Variants in CUX1 observed in about 807,000 individuals in gnomAD.
CUX1 encodes the protein protein CASP.
A neutral mutation model predicts 158.8 loss-of-function variants in CUX1; 31 were observed. That is an observed-to-expected ratio of 0.20 (90% CI 0.15 to 0.26). The LOEUF is 0.26. CUX1 is among the 10% of genes least tolerant of loss of function. The probability of loss-of-function intolerance (pLI) is 1.00; values close to 1 mark genes in which losing one functional copy is unlikely to be tolerated. For missense variants in CUX1, 1,589 were observed against 2,014.6 expected, an observed-to-expected ratio of 0.79 and a Z score of 4.04; for synonymous variants, 879 against 862.1, an observed-to-expected ratio of 1.02 and a Z score of -0.34.
chr7:101,838,062 G>T (rs564908228), intron 1 of CUX1, among the ~76,000 whole-genome samples: 8 of 151,156 alleles, frequency 5.3e-5, no homozygotes, highest in African/African-American at 1.7e-4. Context: ...GTGTGTATAC[G>T]TGGTTTTAAT....
intron 4 of CUX1, among the ~76,000 whole-genome samples, chr7:102,072,186 G>A (rs1409393071): frequency 6.6e-6 from 1 of 152,244 alleles, no homozygotes; most frequent in Non-Finnish European, 1.5e-5. Flanking sequence ...TCCACAGGGT[G>A]AGAGTGGGCT....
At position 102,248,285 on chromosome 7, in the gene CUX1, G is replaced by A. The variant is rs1236546449; in HGVS notation, c.3888-127G>A. 4.8e-6 allele frequency: 4 copies of A among 841,724 alleles called. No individual in the cohort carries two copies. Among genetic ancestry groups the A allele is most frequent in the Non-Finnish European group, 7.0e-6 (4 of 574,562 alleles). 52.1% of individuals were successfully genotyped at this position (841,724 alleles called of 1,614,324 possible). A position where few individuals can be genotyped will look rare whatever the true frequency, so the allele number is the denominator to read the frequency against. The stretch of plus-strand genomic sequence containing the variant: ...CCCCGTGGCCCGAGGGTCGCTGGAG[G>A]GGCACGGAGGGGCCTCCAGGCTGGA... On this transcript the variant is annotated intron_variant, in intron 23 of 23. Transcript: ENST00000292535. The surrounding 1 kb of genome is among the most constrained non-coding windows in gnomAD (Gnocchi z 5.8).
At chr7:102,027,134 C>T (rs957380356) in intron 2 of CUX1, among the ~76,000 whole-genome samples, 3 of 152,170 alleles carry the variant, frequency 2.0e-5, no homozygotes, top group African/African-American at 7.2e-5. Context: ...CCTGTAATCC[C>T]AGCACTTTGG....
At chr7:102,061,527 C>T (rs1585477919) in intron 3 of CUX1, among the ~76,000 whole-genome samples, 1 of 152,152 alleles carries the variant, frequency 6.6e-6, no homozygotes. Flanking sequence ...GATGTATCTC[C>T]CCACTTTGCA....
intron 3 of CUX1, among the ~76,000 whole-genome samples, chr7:102,030,173 A>G (rs1820556431): frequency 6.6e-6 from 1 of 152,076 alleles, no homozygotes; most frequent in Admixed American, 6.6e-5. Context: ...CACCACGCTC[A>G]GCTGAGTTTT....
chr7:102,132,680 C>T (rs868930258), intron 8 of CUX1, among the ~76,000 whole-genome samples: 6,966 of 115,076 alleles, frequency 0.061, 244 homozygotes, highest in Middle Eastern at 0.17. Flanking sequence ...CTTTGCTTTT[C>T]TTTTTTTTTT....
Position 101,916,033 on chromosome 7 carries a change from T to G in CUX1, c.31-82T>G. ...AGCCACTGGGGTCTCTCCCCCAGTGTTCTGGTCAAATGCAAATAGGACCCT... is the reference window on the plus strand; with the variant it reads ...AGCCACTGGGGTCTCTCCCCCAGTGGTCTGGTCAAATGCAAATAGGACCCT... On this transcript the variant is annotated intron_variant, in intron 1 of 23. Coordinates refer to ENST00000292535, the MANE Select transcript of CUX1 (RefSeq NM_181552.4). This position sits in a 1 kb window ranked among gnomAD's most constrained non-coding sequence, Gnocchi z 4.4. 1.0e-6 allele frequency: 1 copy of G among 964,962 alleles called. No individual in the cohort carries two copies. The allele number at this position is 964,962 out of a possible 1,614,324, so 59.8% of individuals were successfully genotyped here.
At chr7:102,271,851 G>A (rs760044278) in intron 14 of CUX1, among the ~76,000 whole-genome samples, 3 of 152,052 alleles carry the variant, frequency 2.0e-5, no homozygotes, top group African/African-American at 2.4e-5. Flanking sequence ...GCTAAACCCC[G>A]TCTCTACTAA....
chr7:102,121,682 A>G (rs1005644995), intron 8 of CUX1, among the ~76,000 whole-genome samples: 26 of 152,010 alleles, frequency 1.7e-4, no homozygotes, highest in African/African-American at 6.3e-4. Context: ...TTTCACAATG[A>G]TTTCCTGAGT....
chr7:101,825,743 T>C (rs1312842593), intron 1 of CUX1, among the ~76,000 whole-genome samples: 2 of 145,990 alleles, frequency 1.4e-5, no homozygotes, highest in African/African-American at 5.0e-5. Flanking sequence ...CCCTGATACC[T>C]TAATGAAATC....
intron 23 of CUX1, among the ~76,000 whole-genome samples, chr7:102,243,549 C>T (rs1390173693): frequency 1.3e-5 from 2 of 151,302 alleles, no homozygotes; most frequent in African/African-American, 4.9e-5. Flanking sequence ...CCTGGAACTC[C>T]ACCACATTGG....
At chr7:101,981,793 A>G (rs1217240008) in intron 2 of CUX1, among the ~76,000 whole-genome samples, 3 of 151,936 alleles carry the variant, frequency 2.0e-5, no homozygotes, top group Non-Finnish European at 4.4e-5. Flanking sequence ...GTATTTTTAG[A>G]AGAAACGGGG....
upstream of CUX1, chr7:101,816,189 G>A (rs1435477621): frequency 4.2e-6 from 2 of 472,874 alleles, no homozygotes; most frequent in South Asian, 1.7e-4. Context: ...AGCCGCCGGG[G>A]GGCCCGCGGC....
intron 1 of CUX1, among the ~76,000 whole-genome samples, chr7:101,915,417 C>T (rs556914004): frequency 8.5e-5 from 13 of 152,286 alleles, no homozygotes; most frequent in African/African-American, 3.1e-4. Context: ...CTCAGCGTTC[C>T]CGCGCAAGTA....
In CUX1 at chr7:102,077,620, C is replaced by T. The variant is rs188014978; in HGVS notation, c.268+7203C>T. 7.7e-3 allele frequency among the ~76,000 whole-genome samples: 1,161 copies of T among 151,104 alleles called. 11 individuals are homozygous for T. The highest frequency in any genetic ancestry group is 0.028 in the Middle Eastern group (8 of 282). ...GCCTGGCAACATAGCAAGACCCTCC[C>T]ATCTCTTTAAGAAAAAAATAAACAA... On this transcript the variant is annotated intron_variant, in intron 4 of 23. Coordinates refer to ENST00000292535, the MANE Select transcript of CUX1 (RefSeq NM_181552.4).
intron 2 of CUX1, among the ~76,000 whole-genome samples, chr7:101,921,109 C>T (rs1006195779): frequency 1.3e-5 from 2 of 152,190 alleles, no homozygotes; most frequent in African/African-American, 4.8e-5. Context: ...CAGGTGTGAG[C>T]CACTGCGCCC....
intron 8 of CUX1, 56 bp downstream of exon 8, chr7:102,115,329 T>C: frequency 1.3e-6 from 2 of 1,505,074 alleles, no homozygotes; most frequent in Non-Finnish European, 1.8e-6. Flanking sequence ...CTGATTTTGC[T>C]TGAGTAGGGC....
rs1804275587 is a variant in CUX1, at chr7:101,916,898, G to A, written c.141+673G>A. On this transcript the variant is annotated intron_variant, in intron 2 of 23. Transcript: ENST00000292535. This position sits in a 1 kb window ranked among gnomAD's most constrained non-coding sequence, Gnocchi z 4.4. Reference sequence around the variant, plus strand: ...TTCTTCCTTCCCTTCAACCCTATCAGGGGCTTACTAAGAAAAAAAAAAAAA... The same window carrying A: ...TTCTTCCTTCCCTTCAACCCTATCAAGGGCTTACTAAGAAAAAAAAAAAAA... 6.6e-6 allele frequency among the ~76,000 whole-genome samples: 1 copy of A among 151,638 alleles called. No homozygotes were observed. Among genetic ancestry groups the A allele is most frequent in the South Asian group, 2.1e-4 (1 of 4,814 alleles).
At chr7:101,991,585 C>G (rs535729478) in intron 2 of CUX1, among the ~76,000 whole-genome samples, 39 of 152,132 alleles carry the variant, frequency 2.6e-4, no homozygotes, top group Non-Finnish European at 4.4e-5. Context: ...ATGGCCAAAC[C>G]CTGTCTCTAC....
Sources: allele counts gnomAD v4.1 joint callset (sites outside exome capture counted in the v4.1 genomes callset), GRCh38; gene constraint gnomAD v4.1.1; non-coding constraint Gnocchi (gnomAD v3.1); transcripts MANE v1.5; gene names NCBI Gene and HGNC (gene_info 2026-07-23, HGNC 2026-07-21).